HAUS8: variants seen among roughly 807,000 people sequenced by gnomAD.
HAUS8 encodes the protein HAUS augmin like complex subunit 8.
HAUS8 carries 38 observed loss-of-function variants against 42.9 expected under a neutral mutation model. The ratio of observed to expected loss-of-function variants is 0.89; its 90% CI spans 0.68 to 1.16. The LOEUF (loss-of-function observed/expected upper bound fraction) is 1.16. HAUS8 is among the 50% of genes most tolerant of loss of function. HAUS8 has a pLI of 0.00. For missense variants in HAUS8, 494 were observed against 511.6 expected (o/e 0.97, Z 0.33); for synonymous variants, 199 against 205.8 (o/e 0.97, Z 0.28).
chr19:17,056,574 G>GACAC (rs372736566), intron 8 of HAUS8, among the ~76,000 whole-genome samples: 3 of 150,314 alleles, frequency 2.0e-5, no homozygotes, highest in Non-Finnish European at 4.4e-5. Context: ...CACACATACA[G>GACAC]ACACACACAC....
intron 3 of HAUS8, among the ~76,000 whole-genome samples, chr19:17,064,406 G>A (rs535144006): frequency 7.9e-5 from 12 of 152,324 alleles, no homozygotes; most frequent in African/African-American, 2.9e-4. Flanking sequence ...CCAAAGGAAC[G>A]AGAAGAGACT....
At chr19:17,070,015 C>T (rs1370341051) in intron 2 of HAUS8, among the ~76,000 whole-genome samples, 1 of 152,142 alleles carries the variant, frequency 6.6e-6, no homozygotes, top group Admixed American at 6.5e-5. Flanking sequence ...ACTCCCACCT[C>T]CCTGCCTGAA....
At chr19:17,053,055 TGATGCTCGGCTATC>T (rs1182741831) in intron 9 of HAUS8, 89 bp from the exon 10 acceptor site, 1 of 1,503,604 alleles carries the variant, frequency 6.7e-7, no homozygotes, top group African/African-American at 1.4e-5. Context: ...ACTTCTGTCA[TGATGCTCGGCTATC>T]GCGCTGGAAC....
chr19:17,066,979 T>C (rs905815978), intron 3 of HAUS8, among the ~76,000 whole-genome samples: 20 of 152,046 alleles, frequency 1.3e-4, no homozygotes, highest in African/African-American at 4.3e-4. Context: ...CTGAGGCAGG[T>C]GGATCATTTG....
In HAUS8 at chr19:17,073,281, T is replaced by TG; in HGVS notation, c.83_84insC (p.Arg28SerfsTer9). ...GATCCTGACACTGCTTACCTTGAAC[T>TG]CTTTTATCCTTCTTCTTGGCACTGC... On this transcript the variant is annotated frameshift_variant, in exon 2 of 11. Transcript: ENST00000253669. LOFTEE classifies it high-confidence loss of function. 6.2e-7 allele frequency: 1 copy of TG among 1,613,720 alleles called. No homozygotes were observed. Among genetic ancestry groups the TG allele is most frequent in the African/African-American group, 1.3e-5 (1 of 75,046 alleles).
rs141836114 is a variant in HAUS8 at position 17,070,097 on chromosome 19, C to A, written c.92-1011G>T. Among the ~76,000 whole-genome samples the A allele has an allele frequency of 2.9e-3, 439 of 152,178 alleles. 3 individuals are homozygous for A. The highest frequency in any genetic ancestry group is 0.01 in the African/African-American group (417 of 41,500). Reference sequence around the variant, plus strand: ...CCTACCTGCACTCTCTGCCTCCCCCCATTTCTCCCATCCCCTTGACAGCAA... The same window carrying A: ...CCTACCTGCACTCTCTGCCTCCCCCAATTTCTCCCATCCCCTTGACAGCAA... On this transcript the variant is annotated intron_variant, in intron 2 of 10. Transcript: ENST00000253669.
At chr19:17,055,144 ATATATATAT>A (rs1211404680) in intron 9 of HAUS8, 6 of 2,378 alleles carry the variant, frequency 2.5e-3, no homozygotes, top group Non-Finnish European at 4.3e-3. Flanking sequence ...AAAAAAAAAA[ATATATATAT>A]ATATATATAT....
At chr19:17,062,498 G>A (rs1410729363) in intron 4 of HAUS8, among the ~76,000 whole-genome samples, 200 bp downstream of exon 4, 1 of 152,090 alleles carries the variant, frequency 6.6e-6, no homozygotes, top group Non-Finnish European at 1.5e-5. Flanking sequence ...GGGCCACACA[G>A]GGAAGAAATG....
chr19:17,062,616 G>T, intron 4 of HAUS8, 82 bp downstream of exon 4: 1 of 1,010,984 alleles, frequency 9.9e-7, no homozygotes, highest in African/African-American at 1.6e-5. Context: ...AGAAAGGAAA[G>T]AAGGAACTTT....
chr19:17,058,515 A>G (rs1399123645), intron 8 of HAUS8, 34 bp downstream of exon 8: 2 of 1,550,348 alleles, frequency 1.3e-6, no homozygotes, highest in Non-Finnish European at 1.7e-6. Flanking sequence ...CACAGGGAAC[A>G]CTCACTGGTC....
chr19:17,070,930 C>T (rs1201036622), intron 2 of HAUS8, among the ~76,000 whole-genome samples: 2 of 152,162 alleles, frequency 1.3e-5, no homozygotes, highest in East Asian at 1.9e-4. Flanking sequence ...ATTAGCCAGG[C>T]GTGGTGGCAT....
At chr19:17,054,230 G>T (rs2057306016) in intron 9 of HAUS8, among the ~76,000 whole-genome samples, 1 of 152,122 alleles carries the variant, frequency 6.6e-6, no homozygotes, top group Non-Finnish European at 1.5e-5. Context: ...CCATTCTGTG[G>T]CCGCTTGGTA....
intron 1 of HAUS8, 80 bp downstream of exon 1, chr19:17,075,314 C>G: frequency 6.6e-7 from 1 of 1,507,430 alleles, no homozygotes; most frequent in Non-Finnish European, 9.2e-7. Flanking sequence ...CCCCGAGGGT[C>G]CTAACTCCCC....
chr19:17,074,641 A>AG (rs781542391), intron 1 of HAUS8: 4 of 152,434 alleles, frequency 2.6e-5, no homozygotes, highest in Non-Finnish European at 5.9e-5. Flanking sequence ...CTGCGACCTG[A>AG]GGGGGGTCCC....
chr19:17,054,085 G>T (rs563443325), intron 9 of HAUS8, among the ~76,000 whole-genome samples: 1 of 152,072 alleles, frequency 6.6e-6, no homozygotes, highest in Non-Finnish European at 1.5e-5. Flanking sequence ...ACCAGCAGGT[G>T]GGGGAGACAC....
chr19:17,072,585 C>T (rs530808340), intron 2 of HAUS8, among the ~76,000 whole-genome samples: 54 of 152,094 alleles, frequency 3.6e-4, no homozygotes, highest in Non-Finnish European at 6.3e-4. Flanking sequence ...CATGATCCAC[C>T]CACCTTGGCG....
At chr19:17,073,249 T>G (rs1286642289) in intron 2 of HAUS8, 25 bp downstream of exon 2, 2 of 1,601,174 alleles carry the variant, frequency 1.2e-6, no homozygotes, top group Non-Finnish European at 1.7e-6. Context: ...ACCATGTTCC[T>G]TAAAGAGATC....
chr19:17,070,752 G>A (rs979724904), intron 2 of HAUS8, among the ~76,000 whole-genome samples: 7 of 152,218 alleles, frequency 4.6e-5, no homozygotes, highest in African/African-American at 1.7e-4. Flanking sequence ...CTGGTACGGG[G>A]TAGGCACTCG....
rs1341817215 is a variant in HAUS8, at chr19:17,055,883, C to T, written c.765G>A (p.Glu255=). Reference sequence around the variant, plus strand: ...TACCTAAGAGCTGCTGCCCATCTCCCTCCAGGTGGATGGACCTCACGGGCA... The same window carrying T: ...TACCTAAGAGCTGCTGCCCATCTCCTTCCAGGTGGATGGACCTCACGGGCA... ...HELPVRSIHL[E]GDGQQLLDAL... The change falls in exon 9 of 11, where the codon GAG becomes GAA. Residue 255 remains glutamate, a synonymous_variant. Transcript: ENST00000253669. The T allele has an allele frequency of 6.2e-7, 1 of 1,614,134 alleles. No individual in the cohort carries two copies. The highest frequency in any genetic ancestry group is 2.2e-5 in the East Asian group (1 of 44,884).
Sources: gnomAD v4.1 joint callset for allele counts (sites outside exome capture counted in the v4.1 genomes callset) on GRCh38, gnomAD v4.1.1 for gene constraint, MANE v1.5 for transcripts, NCBI Gene and HGNC (gene_info 2026-07-23, HGNC 2026-07-21) for gene names.